Variants in RANBP9 observed in about 807,000 individuals in gnomAD.
RANBP9 encodes RAN binding protein 9.
RANBP9 carries 15 observed loss-of-function variants against 84.3 expected under a neutral mutation model. That is an observed-to-expected ratio of 0.18 (90% confidence interval 0.12 to 0.27). The LOEUF is 0.27. Among genes scored for constraint, RANBP9 ranks in the 10% least tolerant of loss-of-function variants. The pLI, the probability that RANBP9 is intolerant of heterozygous loss-of-function variation, is 1.00. For synonymous variants in RANBP9, 392 were observed against 349.6 expected (o/e 1.12, Z -1.35); for missense variants, 809 against 912.8 (o/e 0.89, Z 1.46).
At chr6:13,686,562 G>A (rs560647758) in intron 2 of RANBP9, among the ~76,000 whole-genome samples, 1 of 152,062 alleles carries the variant, frequency 6.6e-6, no homozygotes, top group East Asian at 1.9e-4. Flanking sequence ...CGGGATTACA[G>A]GCATGAGCCA....
intron 1 of RANBP9, among the ~76,000 whole-genome samples, chr6:13,706,813 C>A (rs1266015666): frequency 6.6e-6 from 1 of 151,908 alleles, no homozygotes; most frequent in African/African-American, 2.4e-5. Flanking sequence ...ACCAGCCTGG[C>A]CAACATGGTG....
intron 1 of RANBP9, among the ~76,000 whole-genome samples, chr6:13,698,039 T>C (rs539735418): frequency 3.9e-5 from 6 of 152,308 alleles, no homozygotes; most frequent in African/African-American, 1.4e-4. Context: ...GATCATATCC[T>C]CCCTTACCAC....
At chr6:13,641,525 TA>T (rs893421180) in intron 7 of RANBP9, among the ~76,000 whole-genome samples, 26 of 149,950 alleles carry the variant, frequency 1.7e-4, no homozygotes, top group Non-Finnish European at 3.6e-4. Flanking sequence ...ATTTTTTTTT[TA>T]AAATCACGAA....
chr6:13,689,012 C>A (rs939487087), intron 2 of RANBP9, among the ~76,000 whole-genome samples: 7 of 91,148 alleles, frequency 7.7e-5, no homozygotes, highest in Non-Finnish European at 1.6e-4. Context: ...AAATGCTGGG[C>A]ATGGTGACGC....
intron 4 of RANBP9, among the ~76,000 whole-genome samples, chr6:13,656,196 A>G (rs537162072): frequency 6.6e-6 from 1 of 152,318 alleles, no homozygotes; most frequent in South Asian, 2.1e-4. Context: ...TTATATGTCT[A>G]AGCATACTAC....
intron 1 of RANBP9, 63 bp downstream of exon 1, chr6:13,710,872 G>A: frequency 6.7e-7 from 1 of 1,500,552 alleles, no homozygotes; most frequent in Non-Finnish European, 9.0e-7. Context: ...CGAGAGCGGC[G>A]CAGCGGCGGC....
At chr6:13,623,923 T>C (rs959499061) in intron 13 of RANBP9, among the ~76,000 whole-genome samples, 2 of 152,144 alleles carry the variant, frequency 1.3e-5, no homozygotes, top group Non-Finnish European at 2.9e-5. Flanking sequence ...AGAAACTAAA[T>C]TGTAAGAAAA....
chr6:13,684,038 A>G (rs964653840), intron 2 of RANBP9, among the ~76,000 whole-genome samples: 2 of 152,218 alleles, frequency 1.3e-5, no homozygotes, highest in Non-Finnish European at 2.9e-5. Flanking sequence ...CATTCTGTTC[A>G]TTCCATAAAT....
At chr6:13,659,304 G>A (rs1414963935) in intron 2 of RANBP9, among the ~76,000 whole-genome samples, 2 of 143,738 alleles carry the variant, frequency 1.4e-5, no homozygotes, top group African/African-American at 2.6e-5. Context: ...ACGGAAATAT[G>A]GATTCATATT....
rs146741018 is a variant in RANBP9 at position 13,633,341 on chromosome 6, T to C, written c.1796-820A>G. Among the ~76,000 whole-genome samples the C allele has an allele frequency of 3.6e-3, 543 of 152,288 alleles. 2 individuals carry two copies. The highest frequency in any genetic ancestry group is 6.9e-3 in the African/African-American group (288 of 41,538). ...GAGCCACCATGCCCAGCTAAGAAAA[T>C]AGTTTTATATATCTTGATTGATAAA... On this transcript the variant is annotated intron_variant, in intron 11 of 13. Coordinates refer to ENST00000011619, the MANE Select transcript of RANBP9 (RefSeq NM_005493.3).
At chr6:13,660,338 G>T (rs1765511377) in intron 2 of RANBP9, among the ~76,000 whole-genome samples, 1 of 152,004 alleles carries the variant, frequency 6.6e-6, no homozygotes, top group African/African-American at 2.4e-5. Flanking sequence ...GGGAAACCTT[G>T]TCTCAAAAAA....
At chr6:13,705,906 C>T (rs1342328089) in intron 1 of RANBP9, among the ~76,000 whole-genome samples, 8 of 147,104 alleles carry the variant, frequency 5.4e-5, no homozygotes, top group African/African-American at 1.8e-4. Context: ...TTATATCACC[C>T]CCGTAATGCT....
In RANBP9 at chr6:13,622,075, C is replaced by G; in HGVS notation, c.*287G>C. ...ACAAAGAAGGCAGGATTTTTGGTTT[C>G]TTTTAGGTAATTGTTTTAAAGGATT... On this transcript the variant is annotated 3_prime_UTR_variant, in exon 14 of 14. Transcript: ENST00000011619. The G allele has an allele frequency of 1.7e-5, 3 of 181,578 alleles. No homozygotes were observed. Among genetic ancestry groups the G allele is most frequent in the Non-Finnish European group, 3.4e-5 (3 of 89,264 alleles). The allele number at this position is 181,578 out of a possible 1,614,324, so 11.2% of individuals were successfully genotyped here.
intron 11 of RANBP9, 27 bp downstream of exon 11, chr6:13,634,403 TA>T: frequency 6.2e-7 from 1 of 1,602,792 alleles, no homozygotes; most frequent in South Asian, 1.1e-5. Flanking sequence ...CATTTTTTAT[TA>T]AAAATGTAAG....
intron 1 of RANBP9, among the ~76,000 whole-genome samples, chr6:13,706,959 T>C (rs1457561788): frequency 6.7e-6 from 1 of 150,236 alleles, no homozygotes; most frequent in Non-Finnish European, 1.5e-5. Context: ...TGAGTAGAGA[T>C]TGTACCACCG....
At chr6:13,664,787 A>G in intron 2 of RANBP9, among the ~76,000 whole-genome samples, 1 of 152,174 alleles carries the variant, frequency 6.6e-6, no homozygotes, top group Non-Finnish European at 1.5e-5. Context: ...AGTAAAATGT[A>G]TATGGAAATG....
chr6:13,653,138 A>T (rs1765332065), intron 4 of RANBP9, among the ~76,000 whole-genome samples: 1 of 152,194 alleles, frequency 6.6e-6, no homozygotes, highest in Non-Finnish European at 1.5e-5. Context: ...AAAGGCAAAC[A>T]AGGGAAAATA....
At chr6:13,682,751 T>C (rs1392887415) in intron 2 of RANBP9, among the ~76,000 whole-genome samples, 1 of 152,178 alleles carries the variant, frequency 6.6e-6, no homozygotes, top group Non-Finnish European at 1.5e-5. Flanking sequence ...ATCAAGATAT[T>C]CTAGGCTAAA....
intron 2 of RANBP9, among the ~76,000 whole-genome samples, chr6:13,678,867 C>T (rs1765960785): frequency 6.6e-6 from 1 of 152,118 alleles, no homozygotes; most frequent in Non-Finnish European, 1.5e-5. Context: ...TATCCAACAC[C>T]TACATTCTTA....
Sources: gnomAD v4.1 joint callset for allele counts (sites outside exome capture counted in the v4.1 genomes callset) on GRCh38, gnomAD v4.1.1 for gene constraint, MANE v1.5 for transcripts, NCBI Gene and HGNC (gene_info 2026-07-23, HGNC 2026-07-21) for gene names.